The following ADAMTS17 variants were observed in gnomAD, a reference collection of about 807,000 sequenced individuals.
ADAMTS17 encodes A disintegrin and metalloproteinase with thrombospondin motifs 17.
Under a neutral mutation model 141.5 loss-of-function variants are expected in ADAMTS17, and 113 were observed. The ratio of observed to expected loss-of-function variants is 0.80; its 90% CI spans 0.69 to 0.93. The LOEUF is 0.93. Among genes scored for constraint, ADAMTS17 ranks in the 40% least tolerant of loss-of-function variants. The pLI is 0.00. For synonymous variants in ADAMTS17, 768 were observed against 630.6 expected (o/e 1.22, Z -3.27); for missense variants, 1,659 against 1,517.9 (o/e 1.09, Z -1.54).
chr15:99,980,002 A>C (rs1464103258), intron 20 of ADAMTS17: 1 of 152,204 alleles, frequency 6.6e-6, no homozygotes, highest in Non-Finnish European at 1.5e-5. Flanking sequence ...AATTTCTGTG[A>C]CTATTTGGCA....
chr15:100,268,954 C>A (rs768650572), intron 4 of ADAMTS17, among the ~76,000 whole-genome samples: 1 of 129,688 alleles, frequency 7.7e-6, no homozygotes, highest in Non-Finnish European at 1.6e-5. Flanking sequence ...GGAACAGAAA[C>A]AGGAACCCAG....
At chr15:100,260,511 G>A (rs1197960219) in intron 6 of ADAMTS17, among the ~76,000 whole-genome samples, 1 of 151,950 alleles carries the variant, frequency 6.6e-6, no homozygotes, top group Non-Finnish European at 1.5e-5. Flanking sequence ...CTACTCAGGA[G>A]GCTGAGGCAG....
chr15:100,110,474 C>T (rs908832413), intron 13 of ADAMTS17, among the ~76,000 whole-genome samples: 1 of 151,808 alleles, frequency 6.6e-6, no homozygotes, highest in Non-Finnish European at 1.5e-5. Flanking sequence ...CCGTGTTAGC[C>T]AGGGTGGTCT....
chr15:100,131,785 C>A (rs2038057151), intron 12 of ADAMTS17, among the ~76,000 whole-genome samples: 1 of 152,234 alleles, frequency 6.6e-6, no homozygotes, highest in South Asian at 2.1e-4. Flanking sequence ...AGTCAGCTCA[C>A]CCCAGACTCT....
intron 7 of ADAMTS17, among the ~76,000 whole-genome samples, chr15:100,241,338 G>A (rs540818914): frequency 4.6e-5 from 7 of 152,342 alleles, no homozygotes; most frequent in African/African-American, 1.4e-4. Flanking sequence ...AAGCCTGAAC[G>A]TAGAGATAGG....
At chr15:99,998,822 T>C (rs755643171) in intron 18 of ADAMTS17, among the ~76,000 whole-genome samples, 3 of 152,156 alleles carry the variant, frequency 2.0e-5, no homozygotes, top group Non-Finnish European at 4.4e-5. Flanking sequence ...GGCTTTGCCC[T>C]TTCTTGTCCT....
At chr15:100,164,494 G>C (rs1371848356) in intron 8 of ADAMTS17, among the ~76,000 whole-genome samples, 1 of 152,218 alleles carries the variant, frequency 6.6e-6, no homozygotes, top group Non-Finnish European at 1.5e-5. Context: ...TAAGGGAATA[G>C]GGGTCAGGGT....
intron 3 of ADAMTS17, among the ~76,000 whole-genome samples, chr15:100,292,448 C>T (rs981995303): frequency 6.7e-6 from 1 of 148,178 alleles, no homozygotes; most frequent in African/African-American, 2.5e-5. Context: ...GAGACACTCA[C>T]CCCGTGTGAA....
chr15:100,195,045 A>G (rs761238083), intron 8 of ADAMTS17, among the ~76,000 whole-genome samples: 6 of 152,260 alleles, frequency 3.9e-5, no homozygotes, highest in Non-Finnish European at 7.3e-5. Context: ...CGCTGCCAAC[A>G]TTTCTAATTA....
At chr15:100,019,165 G>C (rs561984726) in intron 18 of ADAMTS17, among the ~76,000 whole-genome samples, 1 of 152,310 alleles carries the variant, frequency 6.6e-6, no homozygotes, top group Admixed American at 6.5e-5. Context: ...CCAGGGGCAA[G>C]ACAGATGTAC....
At chr15:100,072,088 C>G (rs1211312744) in intron 15 of ADAMTS17, among the ~76,000 whole-genome samples, 1 of 150,222 alleles carries the variant, frequency 6.7e-6, no homozygotes, top group East Asian at 1.9e-4. Context: ...GTGCAAAAAT[C>G]ACAGTCTTTC....
chr15:100,154,877 C>A (rs1458859147), intron 9 of ADAMTS17, among the ~76,000 whole-genome samples: 1 of 152,200 alleles, frequency 6.6e-6, no homozygotes, highest in Non-Finnish European at 1.5e-5. Context: ...GGTGACCACA[C>A]GGTCACAACA....
chr15:100,304,352 G>A (rs573677900), intron 3 of ADAMTS17, among the ~76,000 whole-genome samples: 1 of 152,308 alleles, frequency 6.6e-6, no homozygotes, highest in African/African-American at 2.4e-5. Context: ...CGTTTTGTCT[G>A]TTTGAATGCT....
chr15:100,172,296 G>T (rs1335211691), intron 8 of ADAMTS17, among the ~76,000 whole-genome samples: 1 of 152,116 alleles, frequency 6.6e-6, no homozygotes, highest in Admixed American at 6.5e-5. Context: ...TTTTTTAGAG[G>T]TTCCAGGTGA....
At chr15:100,190,019 T>A (rs1383522523) in intron 8 of ADAMTS17, among the ~76,000 whole-genome samples, 1 of 152,204 alleles carries the variant, frequency 6.6e-6, no homozygotes, top group Non-Finnish European at 1.5e-5. Flanking sequence ...TGGCTGCTGA[T>A]ACCAATCACA....
intron 15 of ADAMTS17, among the ~76,000 whole-genome samples, chr15:100,069,597 T>C (rs2033820366): frequency 6.6e-6 from 1 of 152,126 alleles, no homozygotes; most frequent in African/African-American, 2.4e-5. Flanking sequence ...TTCAACATTC[T>C]TAAAGAAAGG....
rs779445544 is a variant in ADAMTS17, at chr15:100,096,373, C to G, written c.2120G>C (p.Ser707Thr). The G allele has an allele frequency of 3.7e-6, 6 of 1,613,886 alleles. No individual in the cohort carries two copies. Among genetic ancestry groups the G allele is most frequent in the East Asian group, 4.5e-5 (2 of 44,892 alleles). Residue 707 changes from serine (S) to threonine (T), a missense_variant, in exon 15 of 22, where the codon AGC becomes ACC. Transcript: ENST00000268070. ...ACACTCACCTGTCCCCCGGGCGTGG[C>G]TGAAGTCGCCCTTCACCAAGTGGCA... ...KTCHLVKGDF[S>T]HARGTALKDS...
chr15:100,242,737 G>C (rs545599484), intron 7 of ADAMTS17, among the ~76,000 whole-genome samples: 2 of 152,154 alleles, frequency 1.3e-5, no homozygotes, highest in South Asian at 2.1e-4. Flanking sequence ...CATTTTTCTT[G>C]GACAAAATCT....
At chr15:100,098,679 A>T (rs74037356) in intron 14 of ADAMTS17, among the ~76,000 whole-genome samples, 1 of 150,036 alleles carries the variant, frequency 6.7e-6, no homozygotes, top group African/African-American at 2.5e-5. Context: ...AAAAAAAATT[A>T]TAAGGGCTAA....
Sources: gnomAD v4.1 joint callset for allele counts (sites outside exome capture counted in the v4.1 genomes callset) on GRCh38, gnomAD v4.1.1 for gene constraint, MANE v1.5 for transcripts, NCBI Gene and HGNC (gene_info 2026-07-23, HGNC 2026-07-21) for gene names.